ITGB5: variants seen among roughly 807,000 people sequenced by gnomAD.
The protein encoded by ITGB5 is integrin subunit beta 5.
Under a neutral mutation model 84.8 loss-of-function variants are expected in ITGB5, and 38 were observed. The ratio of observed to expected loss-of-function variants is 0.45; its 90% CI spans 0.35 to 0.59. ITGB5 has a LOEUF of 0.59. Among genes scored for constraint, ITGB5 ranks in the 20% least tolerant of loss-of-function variants. The pLI is 0.01. For synonymous variants in ITGB5, 393 were observed against 414.4 expected (o/e 0.95, Z 0.63); for missense variants, 905 against 1,034.5 (o/e 0.87, Z 1.72).
At chr3:124,806,290 AG>A in intron 9 of ITGB5, among the ~76,000 whole-genome samples, 1 of 152,218 alleles carries the variant, frequency 6.6e-6, no homozygotes, top group East Asian at 1.9e-4. Flanking sequence ...CTCCAAGTAA[AG>A]GGTTCCTTGT....
chr3:124,881,662 C>T (rs1343066405), intron 1 of ITGB5, among the ~76,000 whole-genome samples: 1 of 152,098 alleles, frequency 6.6e-6, no homozygotes, highest in Non-Finnish European at 1.5e-5. Context: ...GGCCTCCATA[C>T]CAGCTCAAAA....
At chr3:124,877,796 CA>C (rs998614980) in intron 1 of ITGB5, among the ~76,000 whole-genome samples, 2 of 152,054 alleles carry the variant, frequency 1.3e-5, no homozygotes, top group African/African-American at 4.8e-5. Flanking sequence ...GCCCCTTTAT[CA>C]GAAAGGAATT....
In ITGB5 at chr3:124,864,193, C is replaced by T. The variant is rs568950903; in HGVS notation, c.157-4747G>A. On this transcript the variant is annotated intron_variant, in intron 2 of 14. Coordinates refer to ENST00000296181, the MANE Select transcript of ITGB5 (RefSeq NM_002213.5). ...CACGATCTCAGCTCACTGCAAGGTC[C>T]GCCTCCCGGTTCAAGCCATTCTCCT... Among the ~76,000 whole-genome samples the T allele has an allele frequency of 1.4e-3, 207 of 148,222 alleles. 6 individuals are homozygous for T. The highest frequency in any genetic ancestry group is 0.014 in the Admixed American group (200 of 14,722).
intron 1 of ITGB5, among the ~76,000 whole-genome samples, chr3:124,892,747 T>C (rs151181361): frequency 6.7e-6 from 1 of 149,408 alleles, no homozygotes; most frequent in African/African-American, 2.4e-5. Flanking sequence ...ATGTCTATTT[T>C]ACCTGTAAAA....
At chr3:124,874,171 C>A (rs543072962) in intron 1 of ITGB5, among the ~76,000 whole-genome samples, 1 of 151,412 alleles carries the variant, frequency 6.6e-6, no homozygotes, top group South Asian at 2.1e-4. Context: ...AGTCTGAAAC[C>A]GACCTAGGCA....
chr3:124,876,150 C>G (rs1934301621), intron 1 of ITGB5, among the ~76,000 whole-genome samples: 1 of 152,068 alleles, frequency 6.6e-6, no homozygotes, highest in Non-Finnish European at 1.5e-5. Flanking sequence ...CTTAAATACT[C>G]TCACCACACA....
intron 5 of ITGB5, 73 bp from the exon 6 acceptor site, chr3:124,821,547 C>G: frequency 6.5e-7 from 1 of 1,527,954 alleles, no homozygotes. Flanking sequence ...GGGCACTGGC[C>G]CCTCTCCAGG....
At chr3:124,846,927 TC>T (rs2065086447) in intron 4 of ITGB5, among the ~76,000 whole-genome samples, 1 of 152,060 alleles carries the variant, frequency 6.6e-6, no homozygotes, top group African/African-American at 2.4e-5. Context: ...AGAGCAAGAC[TC>T]CGTCTCAAAA....
intron 5 of ITGB5, among the ~76,000 whole-genome samples, chr3:124,827,321 A>T (rs1189378646): frequency 6.6e-6 from 1 of 152,222 alleles, no homozygotes; most frequent in Non-Finnish European, 1.5e-5. Flanking sequence ...TTTAGACAGG[A>T]TGTATTAAAA....
intron 1 of ITGB5, among the ~76,000 whole-genome samples, chr3:124,879,487 C>T (rs1430338995): frequency 3.3e-5 from 5 of 152,188 alleles, no homozygotes; most frequent in African/African-American, 1.2e-4. Flanking sequence ...AACTAAATAG[C>T]CATATGTCTA....
chr3:124,764,458 ACAAG>A lies in ITGB5; in HGVS notation c.2233_2236del (p.Leu745SerfsTer86), dbSNP rs2063738526. 1 of 1,613,914 alleles carries A rather than the reference ACAAG, an allele frequency of 6.2e-7. No individual in the cohort carries two copies. The highest frequency in any genetic ancestry group is 1.3e-5 in the African/African-American group (1 of 74,882). On this transcript the variant is annotated frameshift_variant, in exon 14 of 15. Coordinates refer to ENST00000296181, the MANE Select transcript of ITGB5 (RefSeq NM_002213.5). LOFTEE classifies it high-confidence loss of function. ...AAACTCCCTCCGGTCGTGGATGGTG[ACAAG>A]CAGCTTCCAGATAGCCAGGAGTGCA... is the stretch of plus-strand genomic sequence containing the variant.
chr3:124,827,106 A>T (rs537296068), intron 5 of ITGB5, among the ~76,000 whole-genome samples: 1 of 152,288 alleles, frequency 6.6e-6, no homozygotes, highest in Non-Finnish European at 1.5e-5. Flanking sequence ...GAAACACAAA[A>T]CAACAAAACA....
intron 9 of ITGB5, among the ~76,000 whole-genome samples, chr3:124,807,641 A>G (rs7614019): frequency 0.17 from 25,086 of 151,786 alleles, 4,536 homozygotes; most frequent in African/African-American, 0.45. Flanking sequence ...GAAAGATTTG[A>G]GAAGGGTAAG....
intron 2 of ITGB5, among the ~76,000 whole-genome samples, chr3:124,863,514 T>G (rs1479301446): frequency 6.6e-6 from 1 of 152,208 alleles, no homozygotes; most frequent in Non-Finnish European, 1.5e-5. Flanking sequence ...TGTTCCTTTC[T>G]AAGTATTTTT....
chr3:124,859,104 G>C (rs554275584), intron 3 of ITGB5, 138 bp downstream of exon 3: 1 of 753,878 alleles, frequency 1.3e-6, no homozygotes, highest in Non-Finnish European at 2.2e-6. Flanking sequence ...CCTGAGGTCT[G>C]AGCCTTGCCT....
intron 9 of ITGB5, among the ~76,000 whole-genome samples, chr3:124,801,535 C>T (rs148528191): frequency 2.6e-5 from 4 of 152,292 alleles, no homozygotes; most frequent in South Asian, 2.1e-4. Context: ...AATGAGGAGG[C>T]GAGGTCCATC....
intron 1 of ITGB5, among the ~76,000 whole-genome samples, chr3:124,895,886 C>A (rs779417660): frequency 6.6e-6 from 1 of 152,172 alleles, no homozygotes; most frequent in Non-Finnish European, 1.5e-5. Flanking sequence ...GCTGAGCAAC[C>A]GTGCAACTGC....
intron 1 of ITGB5, among the ~76,000 whole-genome samples, chr3:124,882,314 A>G (rs1244654765): frequency 6.6e-6 from 1 of 152,222 alleles, no homozygotes; most frequent in Non-Finnish European, 1.5e-5. Flanking sequence ...GGTGAGTGCT[A>G]AGGACAAAAA....
At chr3:124,809,336 C>T in intron 8 of ITGB5, 180 bp from the exon 9 acceptor site, 1 of 613,212 alleles carries the variant, frequency 1.6e-6, no homozygotes, top group Non-Finnish European at 2.8e-6. Flanking sequence ...TCTGCACTCA[C>T]ACAACATCTT....
Sources: allele counts gnomAD v4.1 joint callset (sites outside exome capture counted in the v4.1 genomes callset), GRCh38; gene constraint gnomAD v4.1.1; transcripts MANE v1.5; gene names NCBI Gene and HGNC (gene_info 2026-07-23, HGNC 2026-07-21).